The following EXOSC1 variants were observed in gnomAD, a reference collection of about 807,000 sequenced individuals.
EXOSC1 encodes the protein exosome complex component CSL4.
Under a neutral mutation model 31.4 loss-of-function variants are expected in EXOSC1, and 27 were observed. The ratio of observed to expected loss-of-function variants is 0.86; its 90% CI spans 0.63 to 1.18. The LOEUF (loss-of-function observed/expected upper bound fraction) is 1.18, where lower values mean the gene tolerates loss of function less well. Ranked by LOEUF, EXOSC1 falls within the 50% of genes most tolerant of loss-of-function variation. The pLI, the probability that EXOSC1 is intolerant of heterozygous loss-of-function variation, is 0.00. For missense variants in EXOSC1, 228 were observed against 250.3 expected, an observed-to-expected ratio of 0.91 and a Z score of 0.60; for synonymous variants, 84 against 89.5, an observed-to-expected ratio of 0.94 and a Z score of 0.35.
At chr10:97,440,290 G>C (rs1263995649) in intron 4 of EXOSC1, among the ~76,000 whole-genome samples, 1 of 151,942 alleles carries the variant, frequency 6.6e-6, no homozygotes, top group Non-Finnish European at 1.5e-5. Context: ...ACTTTGGTTT[G>C]AGTCATCCTG....
At chr10:97,437,925 AT>A (rs938142688) in intron 5 of EXOSC1, among the ~76,000 whole-genome samples, 175 bp from the exon 6 acceptor site, 27 of 148,214 alleles carry the variant, frequency 1.8e-4, no homozygotes, top group South Asian at 2.1e-4. Flanking sequence ...ACAAATGAAA[AT>A]TTTTTTTTTT....
chr10:97,439,678 T>C (rs1845653806), intron 4 of EXOSC1, among the ~76,000 whole-genome samples: 2 of 152,146 alleles, frequency 1.3e-5, no homozygotes, highest in Admixed American at 6.6e-5. Flanking sequence ...ATAAATGTAA[T>C]GCACTTGAAT....
rs919224825 is a variant in EXOSC1 at position 97,446,002 on chromosome 10, A to T, written c.-17T>A. 6.2e-7 allele frequency: 1 copy of T among 1,614,090 alleles called. No homozygotes were observed. Among genetic ancestry groups the T allele is most frequent in the African/African-American group, 1.3e-5 (1 of 74,932 alleles). ...TGGCGCCATGATTGCCGCTGTCCCAAAACCAGGATGAAAACGAAGTCGATT... is the reference window on the plus strand; with the variant it reads ...TGGCGCCATGATTGCCGCTGTCCCATAACCAGGATGAAAACGAAGTCGATT... On this transcript the variant is annotated 5_prime_UTR_variant, in exon 1 of 8. It adds an upstream start codon to the 5' untranslated region. Coordinates refer to ENST00000370902, the MANE Select transcript of EXOSC1 (RefSeq NM_016046.5).
intron 4 of EXOSC1, among the ~76,000 whole-genome samples, chr10:97,440,469 T>A (rs1845680027): frequency 6.8e-6 from 1 of 148,122 alleles, no homozygotes; most frequent in Admixed American, 6.7e-5. Flanking sequence ...CTGCTTCAGC[T>A]CCACAAGTAG....
At chr10:97,445,633 G>T in intron 2 of EXOSC1, 99 bp downstream of exon 2, 1 of 1,046,426 alleles carries the variant, frequency 9.6e-7, no homozygotes, top group Non-Finnish European at 1.4e-6. Context: ...GTACCACTGA[G>T]GCACTAAAGA....
chr10:97,442,087 G>A (rs1315476485), intron 3 of EXOSC1, among the ~76,000 whole-genome samples: 1 of 150,978 alleles, frequency 6.6e-6, no homozygotes, highest in Non-Finnish European at 1.5e-5. Flanking sequence ...AGAGGCAGTA[G>A]AATTGCTTGA....
At chr10:97,443,165 C>G (rs1195990967) in intron 3 of EXOSC1, 72 bp downstream of exon 3, 2 of 1,279,974 alleles carry the variant, frequency 1.6e-6, no homozygotes, top group Non-Finnish European at 2.2e-6. Context: ...ATACTGGACA[C>G]TGCAGTTCTG....
chr10:97,445,930 C>A, intron 1 of EXOSC1, 25 bp downstream of exon 1: 1 of 1,614,128 alleles, frequency 6.2e-7, no homozygotes, highest in Non-Finnish European at 8.5e-7. Flanking sequence ...CTATCCAGGA[C>A]TCTGTACGGG....
chr10:97,440,315 C>T (rs1205771550), intron 4 of EXOSC1, among the ~76,000 whole-genome samples: 1 of 152,050 alleles, frequency 6.6e-6, no homozygotes, highest in African/African-American at 2.4e-5. Flanking sequence ...TGCTAAACTT[C>T]AGCTTCACTC....
chr10:97,445,605 A>C, intron 2 of EXOSC1, 127 bp downstream of exon 2: 2 of 802,516 alleles, frequency 2.5e-6, no homozygotes, highest in Non-Finnish European at 3.9e-6. Flanking sequence ...GGCTAGAAGA[A>C]ACTAAGAGAC....
intron 4 of EXOSC1, among the ~76,000 whole-genome samples, chr10:97,439,890 C>T (rs1364873835): frequency 1.3e-5 from 2 of 152,160 alleles, no homozygotes; most frequent in African/African-American, 2.4e-5. Flanking sequence ...CACCATCTCA[C>T]CCACAAATCT....
rs1402112101 is a variant in EXOSC1, at chr10:97,436,426, T to C, written c.*19A>G. On this transcript the variant is annotated 3_prime_UTR_variant, in exon 8 of 8. Transcript: ENST00000370902. ...CTCAGGAACAGCTTACCCCCTTCCA[T>C]AGGGTAAAAAGTGGCTTCTTAGGTC... 7 of 1,561,184 alleles carry C rather than the reference T, an allele frequency of 4.5e-6. No homozygotes were observed. The highest frequency in any genetic ancestry group is 6.2e-6 in the Non-Finnish European group (7 of 1,132,860).
rs1249683845 is a variant in EXOSC1, at chr10:97,443,256, C to T, written c.203G>A (p.Gly68Glu). The change falls in exon 3 of 8, where the codon GGA becomes GAA. Residue 68 changes from glycine (G) to glutamate (E), a missense_variant. By Grantham distance (98) the Gly-to-Glu change is moderately conservative. Transcript: ENST00000370902. The part of the protein sequence containing the change: ...ETESQLLPDV[G>E]AIVTCKVSSI... Reference sequence around the variant, plus strand: ...ACTTACCTTACAGGTTACAATAGCTCCCACATCTGGCAGTAACTGGGACTC... The same window carrying T: ...ACTTACCTTACAGGTTACAATAGCTTCCACATCTGGCAGTAACTGGGACTC... The T allele has an allele frequency of 1.9e-6, 3 of 1,614,070 alleles. No individual in the cohort carries two copies. Among genetic ancestry groups the T allele is most frequent in the Non-Finnish European group, 2.5e-6 (3 of 1,179,972 alleles).
chr10:97,437,822 G>A lies in EXOSC1; in HGVS notation c.346-72C>T, dbSNP rs1845591996. The A allele has an allele frequency of 7.1e-6, 9 of 1,269,172 alleles. 1 individual carries two copies. Among genetic ancestry groups the A allele is most frequent in the Middle Eastern group, 1.9e-4 (1 of 5,340 alleles). The allele number at this position is 1,269,172 out of a possible 1,614,324, so 78.6% of individuals were successfully genotyped here. The stretch of plus-strand genomic sequence containing the variant: ...CTATATGAAACTGTGAACGCTTCTG[G>A]TAAAGCCAATCTACTTTCTAATCCT... On this transcript the variant is annotated intron_variant, in intron 5 of 7. Transcript: ENST00000370902.
intron 4 of EXOSC1, chr10:97,440,850 C>A: frequency 5.3e-6 from 1 of 189,712 alleles, no homozygotes; most frequent in Non-Finnish European, 1.1e-5. Flanking sequence ...TGGGGTTTCA[C>A]CATGTTGGCT....
chr10:97,444,514 G>A (rs1845828412), intron 2 of EXOSC1: 1 of 152,150 alleles, frequency 6.6e-6, no homozygotes, highest in Non-Finnish European at 1.5e-5. Context: ...TGTTCTCAAG[G>A]TGCCCTGTAA....
Position 97,443,220 on chromosome 10 carries a change from G to C in EXOSC1, c.222+17C>G. ...ATTGAATGGGCATTCTAAGCATGGA[G>C]GTCAGGACCAACTTACCTTACAGGT... is the stretch of plus-strand genomic sequence containing the variant. On this transcript the variant is annotated intron_variant, in intron 3 of 7. Transcript: ENST00000370902. 1 of 1,609,944 alleles carries C rather than the reference G, an allele frequency of 6.2e-7. No homozygotes were observed. Among genetic ancestry groups the C allele is most frequent in the Non-Finnish European group, 8.5e-7 (1 of 1,176,954 alleles).
chr10:97,438,620 A>G, intron 5 of EXOSC1, 50 bp downstream of exon 5: 1 of 1,566,604 alleles, frequency 6.4e-7, no homozygotes, highest in Non-Finnish European at 8.7e-7. Flanking sequence ...TAATACTTTT[A>G]AGGGATTGAG....
intron 7 of EXOSC1, 116 bp from the exon 8 acceptor site, chr10:97,436,667 T>A: frequency 2.2e-6 from 2 of 900,526 alleles, no homozygotes; most frequent in Non-Finnish European, 3.3e-6. Context: ...CCTCAACTCA[T>A]AAAGAAAAAA....
Sources: allele counts gnomAD v4.1 joint callset (sites outside exome capture counted in the v4.1 genomes callset), GRCh38; gene constraint gnomAD v4.1.1; transcripts MANE v1.5; gene names NCBI Gene and HGNC (gene_info 2026-07-23, HGNC 2026-07-21).